ABLIM1: variants seen among roughly 807,000 people sequenced by gnomAD.
The protein encoded by ABLIM1 is actin-binding LIM protein 1.
A neutral mutation model predicts 107.0 loss-of-function variants in ABLIM1; 40 were observed. The ratio of observed to expected loss-of-function variants is 0.37; its 90% CI spans 0.29 to 0.49. The LOEUF is 0.49. Among genes scored for constraint, ABLIM1 ranks in the 20% least tolerant of loss-of-function variants. ABLIM1 has a pLI of 0.97. For missense variants in ABLIM1, 857 were observed against 1,008.5 expected (o/e 0.85, Z 2.04); for synonymous variants, 357 against 357.3 (o/e 1.00, Z 0.01).
intron 1 of ABLIM1, among the ~76,000 whole-genome samples, chr10:114,693,313 G>C (rs566138196): frequency 6.6e-6 from 1 of 152,302 alleles, no homozygotes; most frequent in African/African-American, 2.4e-5. Flanking sequence ...AAACACACAT[G>C]TTGAAAAATC....
upstream of ABLIM1, among the ~76,000 whole-genome samples, chr10:114,658,476 G>C (rs116755584): frequency 2.4e-3 from 368 of 152,196 alleles, 3 homozygotes; most frequent in African/African-American, 7.5e-3. Context: ...TTAATATCCA[G>C]AATAAGAGAA....
intron 1 of ABLIM1, among the ~76,000 whole-genome samples, chr10:114,745,592 G>A (rs1445432614): frequency 6.6e-6 from 1 of 150,572 alleles, no homozygotes; most frequent in East Asian, 2.0e-4. Context: ...CTAATTGGCC[G>A]GGCACAGTGG....
chr10:114,467,544 T>C (rs947632867), intron 11 of ABLIM1, among the ~76,000 whole-genome samples: 2 of 152,364 alleles, frequency 1.3e-5, no homozygotes, highest in East Asian at 3.9e-4. Flanking sequence ...GTCCCCAGAT[T>C]ATGTGCTTCA....
chr10:114,770,388 G>A (rs2083008945), upstream of ABLIM1, among the ~76,000 whole-genome samples: 1 of 152,176 alleles, frequency 6.6e-6, no homozygotes, highest in South Asian at 2.1e-4. Flanking sequence ...CCTTGCCAGT[G>A]CCATCTCTAG....
chr10:114,665,843 A>C (rs990424902), intron 1 of ABLIM1, among the ~76,000 whole-genome samples: 16 of 152,224 alleles, frequency 1.1e-4, no homozygotes, highest in African/African-American at 3.6e-4. Flanking sequence ...CTCTGCATTA[A>C]ATCCACAGTC....
chr10:114,462,703 T>C (rs1248449606), intron 12 of ABLIM1, among the ~76,000 whole-genome samples: 1 of 152,066 alleles, frequency 6.6e-6, no homozygotes, highest in Non-Finnish European at 1.5e-5. Context: ...CAGGAAAATA[T>C]TCCAATTATA....
intron 14 of ABLIM1, among the ~76,000 whole-genome samples, chr10:114,449,401 C>G (rs1299549570): frequency 6.6e-6 from 1 of 152,180 alleles, no homozygotes; most frequent in African/African-American, 2.4e-5. Context: ...TTCTGGGTCT[C>G]AATTTGCTTA....
chr10:114,794,097 GCTA>G, the ABLIM1 span, among the ~76,000 whole-genome samples: 2 of 152,260 alleles, frequency 1.3e-5, no homozygotes, highest in Non-Finnish European at 2.9e-5. Flanking sequence ...CTCTGCTGTG[GCTA>G]CACAAGTCTC....
chr10:114,789,009 C>A, the ABLIM1 span, among the ~76,000 whole-genome samples: 10 of 152,132 alleles, frequency 6.6e-5, no homozygotes, highest in Non-Finnish European at 1.0e-4. Flanking sequence ...GTAATCCCAG[C>A]CCTTTGGGAG....
chr10:114,501,746 T>A (rs1318304827), intron 6 of ABLIM1, among the ~76,000 whole-genome samples: 1 of 152,182 alleles, frequency 6.6e-6, no homozygotes, highest in Non-Finnish European at 1.5e-5. Flanking sequence ...TTCTCATATA[T>A]CCCTTCTCCC....
chr10:114,518,330 C>T (rs1265941163), intron 6 of ABLIM1, among the ~76,000 whole-genome samples: 2 of 152,032 alleles, frequency 1.3e-5, no homozygotes, highest in South Asian at 2.1e-4. Context: ...GTAATGTGAG[C>T]TTATTGTAAA....
At chr10:114,598,237 G>T (rs568249350) in intron 2 of ABLIM1, among the ~76,000 whole-genome samples, 3 of 126,808 alleles carry the variant, frequency 2.4e-5, no homozygotes, top group Non-Finnish European at 3.1e-5. Context: ...TCACTCCACC[G>T]CACTCCAGCC....
chr10:114,473,969 C>T lies in ABLIM1; in HGVS notation c.1042-13G>A. 6.2e-7 allele frequency: 1 copy of T among 1,609,274 alleles called. No homozygotes were observed. Among genetic ancestry groups the T allele is most frequent in the Non-Finnish European group, 8.5e-7 (1 of 1,176,084 alleles). On this transcript the variant is annotated splice_polypyrimidine_tract_variant and intron_variant, in intron 8 of 22. Transcript: ENST00000533213. ...ATGTCCTGGTAGGCTGTAAAATAAACAGTGACTTGTAAGACTTCGGACCCT... is the reference window on the plus strand; with the variant it reads ...ATGTCCTGGTAGGCTGTAAAATAAATAGTGACTTGTAAGACTTCGGACCCT...
intron 6 of ABLIM1, among the ~76,000 whole-genome samples, chr10:114,499,601 G>A (rs1260988508): frequency 2.6e-5 from 4 of 152,126 alleles, no homozygotes; most frequent in Non-Finnish European, 5.9e-5. Context: ...GCCTTAAGGT[G>A]GGACCCAGAT....
Position 114,746,793 on chromosome 10 carries a change from C to T in ABLIM1, c.-213+21268G>A, listed in dbSNP as rs901108261. Among the ~76,000 whole-genome samples the T allele has an allele frequency of 2.6e-5, 4 of 152,312 alleles. No individual in the cohort carries two copies. The South Asian group carries it at 6.2e-4, about 24-fold the overall frequency. On this transcript the variant is annotated intron_variant, in intron 1 of 15. Transcript: ENST00000651092. ...ATTTCATTGTAGTTATAATCTGCAT[C>T]TCCCTAATGAGTAGTGATGTTGGGC...
intron 1 of ABLIM1, among the ~76,000 whole-genome samples, chr10:114,611,238 G>C (rs187402709): frequency 6.6e-6 from 1 of 152,144 alleles, no homozygotes; most frequent in African/African-American, 2.4e-5. Context: ...AGGCCAAGGC[G>C]GGTGGATCAC....
intron 6 of ABLIM1, among the ~76,000 whole-genome samples, chr10:114,518,504 G>T (rs1264795232): frequency 6.6e-6 from 1 of 151,842 alleles, no homozygotes; most frequent in Non-Finnish European, 1.5e-5. Flanking sequence ...AACAGACGTG[G>T]TCCTGTGCCA....
At chr10:114,618,887 C>T (rs2077290996) in intron 1 of ABLIM1, among the ~76,000 whole-genome samples, 1 of 152,174 alleles carries the variant, frequency 6.6e-6, no homozygotes, top group Non-Finnish European at 1.5e-5. Context: ...GTGTGGTTTT[C>T]ATGGCAGGGA....
intron 8 of ABLIM1, among the ~76,000 whole-genome samples, chr10:114,478,222 C>A (rs2056788721): frequency 6.6e-6 from 1 of 152,154 alleles, no homozygotes; most frequent in Non-Finnish European, 1.5e-5. Flanking sequence ...AATACACTTA[C>A]CCCCAAGTTC....
Sources: allele counts gnomAD v4.1 joint callset (sites outside exome capture counted in the v4.1 genomes callset), GRCh38; gene constraint gnomAD v4.1.1; transcripts MANE v1.5; gene names NCBI Gene and HGNC (gene_info 2026-07-23, HGNC 2026-07-21).